LAMA3: variants seen among roughly 807,000 people sequenced by gnomAD.
LAMA3 encodes laminin subunit alpha 3.
In LAMA3, 281 loss-of-function variants were observed where a neutral mutation model predicts 402.0. The observed-to-expected ratio is 0.70, with a 90% CI of 0.63 to 0.77. The LOEUF is 0.77. LAMA3 is among the 30% of genes least tolerant of loss of function. The pLI is 0.00. For synonymous variants in LAMA3, 1,431 were observed against 1,558.4 expected, an observed-to-expected ratio of 0.92 and a Z score of 1.93; for missense variants, 3,840 against 4,215.5, an observed-to-expected ratio of 0.91 and a Z score of 2.47.
rs112216767 is a variant in LAMA3 at position 23,750,891 on chromosome 18, C to T, written c.685-27C>T. ...AATTTTGATAAAAGGAACTTTTTCC[C>T]CCTTTATGTGTGTGTGGTCATTTTA... On this transcript the variant is annotated intron_variant, in intron 4 of 74. Coordinates refer to ENST00000313654, the MANE Select transcript of LAMA3 (RefSeq NM_198129.4). The T allele has an allele frequency of 1.1e-3, 1,834 of 1,613,658 alleles. 22 individuals carry two copies. In the African/African-American group the frequency reaches 0.022, roughly 19 times the overall value.
At chr18:23,928,545 A>T in intron 63 of LAMA3, 80 bp from the exon 64 acceptor site, 1 of 1,346,744 alleles carries the variant, frequency 7.4e-7, no homozygotes, top group South Asian at 1.2e-5. Flanking sequence ...AGTTTGAGTA[A>T]AGTGAGATAG....
intron 41 of LAMA3, among the ~76,000 whole-genome samples, chr18:23,886,884 G>A (rs963850383): frequency 6.6e-6 from 1 of 152,190 alleles, no homozygotes; most frequent in Non-Finnish European, 1.5e-5. Context: ...GGTTGGGGAA[G>A]CAAGGCAGAA....
intron 60 of LAMA3, among the ~76,000 whole-genome samples, chr18:23,919,139 T>A (rs1444639120): frequency 6.6e-6 from 1 of 152,208 alleles, no homozygotes; most frequent in African/African-American, 2.4e-5. Flanking sequence ...GTAGGATGGC[T>A]CATGACTCTC....
chr18:23,817,749 G>A (rs1247254434), intron 18 of LAMA3, among the ~76,000 whole-genome samples: 3 of 152,196 alleles, frequency 2.0e-5, no homozygotes, highest in South Asian at 2.1e-4. Flanking sequence ...TAACCCAGCC[G>A]CACTTTCCCT....
Position 23,954,878 on chromosome 18 carries a change from A to T in LAMA3, c.*230A>T. 1.8e-6 allele frequency: 1 copy of T among 554,358 alleles called. No homozygotes were observed. The highest frequency in any genetic ancestry group is 2.1e-5 in the South Asian group (1 of 48,318). The allele number at this position is 554,358 out of a possible 1,614,324, so 34.3% of individuals were successfully genotyped here. ...TTGAAGATAAAAAAATTGTTATTCAAATTGTTATGCACAGAATGTTTTTGG... is the reference window on the plus strand; with the variant it reads ...TTGAAGATAAAAAAATTGTTATTCATATTGTTATGCACAGAATGTTTTTGG... On this transcript the variant is annotated 3_prime_UTR_variant, in exon 75 of 75. Transcript: ENST00000313654.
intron 2 of LAMA3, among the ~76,000 whole-genome samples, chr18:23,718,272 T>C (rs1416275217): frequency 6.6e-6 from 1 of 152,020 alleles, no homozygotes; most frequent in Non-Finnish European, 1.5e-5. Context: ...TTCTATGGGC[T>C]CCCTATGTTC....
intron 60 of LAMA3, among the ~76,000 whole-genome samples, chr18:23,919,467 TG>T (rs2081755230): frequency 6.6e-6 from 1 of 152,224 alleles, no homozygotes; most frequent in Non-Finnish European, 1.5e-5. Context: ...GGGAAGAATA[TG>T]CAAAGGAATG....
intron 68 of LAMA3, among the ~76,000 whole-genome samples, chr18:23,940,685 CAG>C (rs1346614214): frequency 6.6e-6 from 1 of 152,160 alleles, no homozygotes; most frequent in Admixed American, 6.5e-5. Context: ...AGGTAAAGGT[CAG>C]AGAGAGATTG....
chr18:23,941,238 CCTCT>C (rs1187086320), intron 68 of LAMA3, among the ~76,000 whole-genome samples: 1 of 151,734 alleles, frequency 6.6e-6, no homozygotes, highest in Non-Finnish European at 1.5e-5. Flanking sequence ...GCCCGGCCAA[CCTCT>C]CTCTTTCAAG....
rs866570690 is a variant in LAMA3, at chr18:23,783,994, C to T, written c.1469-29C>T. On this transcript the variant is annotated intron_variant, in intron 11 of 74. Coordinates refer to ENST00000313654, the MANE Select transcript of LAMA3 (RefSeq NM_198129.4). ...TAAGAAAGTGATGGAAGATGGAGAC[C>T]CCTTCTGAAAGTTTCCTGTCTTCTG... is the stretch of plus-strand genomic sequence containing the variant. The T allele has an allele frequency of 3.1e-6, 5 of 1,613,474 alleles. 1 individual carries two copies. In the African/African-American group the frequency reaches 6.7e-5, roughly 22 times the overall value.
chr18:23,910,127 C>T (rs2081382796), intron 55 of LAMA3, among the ~76,000 whole-genome samples: 9 of 152,226 alleles, frequency 5.9e-5, no homozygotes, highest in Admixed American at 5.9e-4. Flanking sequence ...AGAATGTATG[C>T]TAGCTTTTAC....
intron 42 of LAMA3, among the ~76,000 whole-genome samples, chr18:23,890,977 GA>G (rs916654355): frequency 6.6e-6 from 1 of 152,218 alleles, no homozygotes; most frequent in African/African-American, 2.4e-5. Context: ...GGGACCAAGG[GA>G]AAACTTCCCC....
intron 67 of LAMA3, among the ~76,000 whole-genome samples, chr18:23,937,371 C>CAAAAAAAAAA (rs58274189): frequency 1.1e-5 from 1 of 92,918 alleles, no homozygotes. Flanking sequence ...TTCTCAAAAG[C>CAAAAAAAAAA]AAAAAAAAAA....
At chr18:23,832,008 T>A (rs1295027666) in intron 23 of LAMA3, among the ~76,000 whole-genome samples, 1 of 152,216 alleles carries the variant, frequency 6.6e-6, no homozygotes, top group Admixed American at 6.5e-5. Context: ...ATCTTTTATG[T>A]CTTTTATCTG....
At chr18:23,777,408 T>C in intron 10 of LAMA3, 149 bp from the exon 11 acceptor site, 3 of 649,892 alleles carry the variant, frequency 4.6e-6, no homozygotes, top group Non-Finnish European at 8.4e-6. Context: ...ACATTTGAGA[T>C]ATAGCAATAT....
intron 12 of LAMA3, among the ~76,000 whole-genome samples, chr18:23,784,487 A>AGTTG (rs1202452218): frequency 6.6e-5 from 10 of 152,188 alleles, no homozygotes; most frequent in African/African-American, 2.4e-4. Context: ...GCGGGTCTCC[A>AGTTG]GATGCCAGTT....
intron 30 of LAMA3, among the ~76,000 whole-genome samples, chr18:23,845,338 C>T (rs1598907452): frequency 6.6e-6 from 1 of 152,218 alleles, no homozygotes; most frequent in East Asian, 1.9e-4. Flanking sequence ...GATGACTGTC[C>T]TCAGCTATGA....
At chr18:23,924,659 C>T (rs1475827567) in intron 62 of LAMA3, among the ~76,000 whole-genome samples, 1 of 150,652 alleles carries the variant, frequency 6.6e-6, no homozygotes, top group Non-Finnish European at 1.5e-5. Context: ...ATTCTCCTGC[C>T]TCAGCCTCCC....
At position 23,914,742 on chromosome 18, in the gene LAMA3, C is replaced by A; in HGVS notation, c.7526C>A (p.Ser2509Tyr). The A allele has an allele frequency of 6.2e-7, 1 of 1,613,640 alleles. No homozygotes were observed. Among genetic ancestry groups the A allele is most frequent in the Non-Finnish European group, 8.5e-7 (1 of 1,179,590 alleles). The change falls in exon 58 of 75, where the codon TCC becomes TAC. Residue 2509 changes from serine to tyrosine, a missense_variant. By Grantham distance (144) the Ser-to-Tyr change is moderately radical (BLOSUM62 -2). Coordinates refer to ENST00000313654, the MANE Select transcript of LAMA3 (RefSeq NM_198129.4). ...ARLNYTKGATSSKPETPGVYD... is the reference protein window; with the variant it reads ...ARLNYTKGATYSKPETPGVYD... ...CTTAATTACACCAAAGGAGCCACAT[C>A]CAGTAAACCAGAAACACCCGGAGTC...
Sources: allele counts gnomAD v4.1 joint callset (sites outside exome capture counted in the v4.1 genomes callset), GRCh38; gene constraint gnomAD v4.1.1; transcripts MANE v1.5; gene names NCBI Gene and HGNC (gene_info 2026-07-23, HGNC 2026-07-21).